Variants in KAZN observed in about 807,000 individuals in gnomAD.
KAZN encodes kazrin.
KAZN carries 40 observed loss-of-function variants against 87.4 expected under a neutral mutation model. The observed-to-expected ratio is 0.46, with a 90% CI of 0.36 to 0.60. The LOEUF is 0.60. Ranked by LOEUF, KAZN falls within the 20% of genes least tolerant of loss-of-function variation. KAZN has a pLI of 0.00. For synonymous variants in KAZN, 466 were observed against 458.3 expected (o/e 1.02, Z -0.22); for missense variants, 898 against 1,073.9 (o/e 0.84, Z 2.29).
At chr1:13,966,531 G>C (rs1641951453) in intron 1 of KAZN, among the ~76,000 whole-genome samples, 1 of 152,186 alleles carries the variant, frequency 6.6e-6, no homozygotes, top group South Asian at 2.1e-4. Context: ...CCCTGGCTTA[G>C]AGTGGTGACC....
At chr1:14,491,806 C>A (rs1373346699) in intron 2 of KAZN, among the ~76,000 whole-genome samples, 1 of 152,010 alleles carries the variant, frequency 6.6e-6, no homozygotes, top group East Asian at 1.9e-4. Context: ...TGCTTTTCCC[C>A]CTTCTGAATT....
chr1:14,228,598 G>A (rs1437236596), intron 2 of KAZN, among the ~76,000 whole-genome samples: 3 of 152,180 alleles, frequency 2.0e-5, no homozygotes, highest in South Asian at 2.1e-4. Context: ...CAAAATAGAT[G>A]TGAAAATGGT....
chr1:14,997,937 C>T (rs193214230), intron 2 of KAZN, among the ~76,000 whole-genome samples: 1 of 152,336 alleles, frequency 6.6e-6, no homozygotes, highest in African/African-American at 2.4e-5. Flanking sequence ...CTTTCCAACT[C>T]ATGTATGTGA....
chr1:15,017,718 C>T (rs914683992), intron 2 of KAZN, among the ~76,000 whole-genome samples: 3 of 152,014 alleles, frequency 2.0e-5, no homozygotes, highest in Non-Finnish European at 4.4e-5. Flanking sequence ...GCAGGAGAAT[C>T]GCTTGAACCT....
intron 2 of KAZN, among the ~76,000 whole-genome samples, chr1:14,393,769 C>A (rs1662651916): frequency 6.6e-6 from 1 of 150,544 alleles, no homozygotes; most frequent in Non-Finnish European, 1.5e-5. Context: ...ATCACTTGAT[C>A]CCAGGATGCA....
intron 1 of KAZN, among the ~76,000 whole-genome samples, chr1:13,975,305 A>G (rs1490759848): frequency 6.6e-6 from 1 of 152,170 alleles, no homozygotes; most frequent in Non-Finnish European, 1.5e-5. Context: ...ACTGTTCAGA[A>G]CACTTGGTTA....
intron 1 of KAZN, among the ~76,000 whole-genome samples, chr1:13,913,640 T>C (rs916083778): frequency 2.0e-5 from 3 of 152,262 alleles, no homozygotes; most frequent in African/African-American, 7.2e-5. Flanking sequence ...GCCATGTTAT[T>C]GCATGGCCCT....
intron 1 of KAZN, among the ~76,000 whole-genome samples, chr1:14,648,336 G>T (rs1680962840): frequency 6.6e-6 from 1 of 152,062 alleles, no homozygotes; most frequent in Non-Finnish European, 1.5e-5. Flanking sequence ...AATTTATAAT[G>T]GAACACATTT....
intron 2 of KAZN, among the ~76,000 whole-genome samples, chr1:14,243,368 C>T (rs1649157161): frequency 6.6e-6 from 1 of 152,178 alleles, no homozygotes; most frequent in Admixed American, 6.5e-5. Context: ...ATCTTTTCTC[C>T]ACCAGTCTCT....
In KAZN at chr1:14,751,862, C is replaced by T. The variant is rs533410892; in HGVS notation, c.226+152639C>T. ...GATATGCCATCACAGGCAGCCACTG[C>T]TGAGCCTTTGGGATGGTGTCTCAGT... On this transcript the variant is annotated intron_variant, in intron 1 of 14. Transcript: ENST00000376030. Among the ~76,000 whole-genome samples, 3 of 152,348 alleles carry T rather than the reference C, an allele frequency of 2.0e-5. No homozygotes were observed. In the South Asian group the frequency reaches 6.2e-4, roughly 32 times the overall value.
At chr1:14,098,130 T>C (rs1468854678) in intron 1 of KAZN, among the ~76,000 whole-genome samples, 1 of 152,104 alleles carries the variant, frequency 6.6e-6, no homozygotes, top group Non-Finnish European at 1.5e-5. Flanking sequence ...GGGCTGGAGC[T>C]CTTCCCCTTG....
chr1:15,006,782 C>T (rs540474626), intron 2 of KAZN, among the ~76,000 whole-genome samples: 1 of 152,094 alleles, frequency 6.6e-6, no homozygotes, highest in Admixed American at 6.5e-5. Flanking sequence ...AGGGGCTGGG[C>T]GCGGTGGCTC....
intron 1 of KAZN, among the ~76,000 whole-genome samples, chr1:14,806,067 T>C (rs1047891627): frequency 6.6e-6 from 1 of 152,232 alleles, no homozygotes; most frequent in Non-Finnish European, 1.5e-5. Context: ...GAGGCCAGAC[T>C]ATAACATAAA....
chr1:14,695,527 A>ATTTTTTTTTTTTTTTTTTTTTT (rs1641553132), intron 1 of KAZN, among the ~76,000 whole-genome samples: 1 of 36,822 alleles, frequency 2.7e-5, no homozygotes. Context: ...TTTTTTTTTG[A>ATTTTTTTTTTTTTTTTTTTTTT]TGGAGTCTTG....
At chr1:14,009,328 G>A (rs562599241) in intron 1 of KAZN, among the ~76,000 whole-genome samples, 58 of 152,282 alleles carry the variant, frequency 3.8e-4, no homozygotes, top group Non-Finnish European at 1.3e-4. Context: ...ATACCTGGAG[G>A]TAGAATTGCT....
intron 2 of KAZN, among the ~76,000 whole-genome samples, chr1:14,291,946 C>A (rs1653731510): frequency 6.6e-6 from 1 of 152,158 alleles, no homozygotes; most frequent in Non-Finnish European, 1.5e-5. Flanking sequence ...TTTCCTGAGG[C>A]CTCCTCAGTC....
At chr1:14,737,234 A>G (rs978485080) in intron 1 of KAZN, among the ~76,000 whole-genome samples, 1 of 152,088 alleles carries the variant, frequency 6.6e-6, no homozygotes, top group Non-Finnish European at 1.5e-5. Context: ...GTGCTCCAAC[A>G]TGCAAGGAGG....
chr1:14,694,876 A>G (rs902337049), intron 1 of KAZN, among the ~76,000 whole-genome samples: 3 of 152,216 alleles, frequency 2.0e-5, no homozygotes, highest in African/African-American at 7.2e-5. Flanking sequence ...TGTGTAATCT[A>G]TATTATACAA....
At chr1:14,668,695 C>T (rs1203024242) in intron 1 of KAZN, among the ~76,000 whole-genome samples, 1 of 152,200 alleles carries the variant, frequency 6.6e-6, no homozygotes, top group South Asian at 2.1e-4. Context: ...CTGTCAGCAG[C>T]TGCTCCCCAG....
Sources: allele counts gnomAD v4.1 joint callset (sites outside exome capture counted in the v4.1 genomes callset), GRCh38; gene constraint gnomAD v4.1.1; transcripts MANE v1.5; gene names NCBI Gene and HGNC (gene_info 2026-07-23, HGNC 2026-07-21).